Variants in PITPNC1 observed in about 807,000 individuals in gnomAD.
PITPNC1 encodes the protein cytoplasmic phosphatidylinositol transfer protein 1.
A neutral mutation model predicts 44.7 loss-of-function variants in PITPNC1; 18 were observed. The observed-to-expected ratio is 0.40, with a 90% confidence interval of 0.28 to 0.60. The LOEUF is 0.60. Among genes scored for constraint, PITPNC1 ranks in the 20% least tolerant of loss-of-function variants. The pLI, the probability that PITPNC1 is intolerant of heterozygous loss-of-function variation, is 0.39. For synonymous variants in PITPNC1, 141 were observed against 149.6 expected, an observed-to-expected ratio of 0.94 and a Z score of 0.42; for missense variants, 290 against 418.4, an observed-to-expected ratio of 0.69 and a Z score of 2.68.
At chr17:67,509,191 G>A (rs1288828537) in intron 1 of PITPNC1, among the ~76,000 whole-genome samples, 6 of 147,118 alleles carry the variant, frequency 4.1e-5, no homozygotes, top group South Asian at 2.2e-4. Context: ...CCAAGATCAC[G>A]CCACTGCACT....
rs71139168 is a variant in PITPNC1 at position 67,667,490 on chromosome 17, C to CAAAAAAAAAAAA, written c.463-2011_463-2000dup. On this transcript the variant is annotated intron_variant, in intron 6 of 8. Coordinates refer to ENST00000581322, the MANE Select transcript of PITPNC1 (RefSeq NM_012417.4). ...GCCGCAGTGAGCCATGATCCTTTCT[C>CAAAAAAAAAAAA]AAAAAAAAAAAAAAAAAAGTACTGA... Among the ~76,000 whole-genome samples the CAAAAAAAAAAAA allele has an allele frequency of 7.2e-3, 780 of 107,604 alleles. 22 individuals carry two copies. Among genetic ancestry groups the CAAAAAAAAAAAA allele is most frequent in the Non-Finnish European group, 0.011 (620 of 54,038 alleles). 70.6% of individuals were successfully genotyped at this position (107,604 alleles called of 152,430 possible). A position where few individuals can be genotyped will look rare whatever the true frequency, so the allele number is the denominator to read the frequency against.
chr17:67,400,229 G>A (rs1374059695), intron 1 of PITPNC1, among the ~76,000 whole-genome samples: 1 of 152,174 alleles, frequency 6.6e-6, no homozygotes, highest in African/African-American at 2.4e-5. Flanking sequence ...TGCCCAGTGG[G>A]AATGTTGTGT....
intron 1 of PITPNC1, among the ~76,000 whole-genome samples, chr17:67,517,741 G>T (rs1205374852): frequency 2.0e-5 from 3 of 152,182 alleles, no homozygotes; most frequent in African/African-American, 7.2e-5. Context: ...AGTGGTTGCT[G>T]GGACTGGGAG....
chr17:67,587,719 C>G (rs565765936), intron 5 of PITPNC1, among the ~76,000 whole-genome samples: 5 of 152,286 alleles, frequency 3.3e-5, no homozygotes, highest in African/African-American at 9.6e-5. Flanking sequence ...AATCACTGGG[C>G]TGTGCTTGGT....
At chr17:67,668,387 A>G (rs957199832) in intron 6 of PITPNC1, among the ~76,000 whole-genome samples, 3 of 152,108 alleles carry the variant, frequency 2.0e-5, no homozygotes, top group Non-Finnish European at 4.4e-5. Context: ...TTTCTTGCTT[A>G]TGAACATTTG....
rs962929587 is a variant in PITPNC1 at position 67,481,631 on chromosome 17, C to T, written c.49-51171C>T. 4.6e-5 allele frequency among the ~76,000 whole-genome samples: 7 copies of T among 152,024 alleles called. No homozygotes were observed. In the East Asian group the frequency reaches 1.3e-3, roughly 29 times the overall value. On this transcript the variant is annotated intron_variant, in intron 1 of 8. Coordinates refer to ENST00000581322, the MANE Select transcript of PITPNC1 (RefSeq NM_012417.4). The stretch of plus-strand genomic sequence containing the variant: ...GATTACAGGCATGAGCTACCATGCC[C>T]AGCTGCTACTAAATTTATTACCCGT...
chr17:67,589,346 T>G (rs1268895786), intron 5 of PITPNC1, among the ~76,000 whole-genome samples: 1 of 152,238 alleles, frequency 6.6e-6, no homozygotes, highest in Non-Finnish European at 1.5e-5. Context: ...TAATCATTAG[T>G]AGAAGACAGC....
At chr17:67,673,111 C>G (rs1456376860) in intron 7 of PITPNC1, among the ~76,000 whole-genome samples, 4 of 152,260 alleles carry the variant, frequency 2.6e-5, no homozygotes, top group African/African-American at 9.6e-5. Context: ...GTGTTTCCTA[C>G]TTTCAAGTCA....
intron 1 of PITPNC1, among the ~76,000 whole-genome samples, chr17:67,494,966 G>A (rs2039923260): frequency 7.0e-6 from 1 of 143,378 alleles, no homozygotes; most frequent in Admixed American, 7.0e-5. Context: ...GGGAGACCTC[G>A]TCTCAAACTG....
chr17:67,542,418 A>G (rs2040621301), intron 2 of PITPNC1, among the ~76,000 whole-genome samples: 1 of 152,222 alleles, frequency 6.6e-6, no homozygotes, highest in African/African-American at 2.4e-5. Flanking sequence ...CAAGTCCTCC[A>G]TGCATAAGTC....
chr17:67,516,595 T>G (rs1188241651), intron 1 of PITPNC1, among the ~76,000 whole-genome samples: 1 of 152,116 alleles, frequency 6.6e-6, no homozygotes, highest in Non-Finnish European at 1.5e-5. Context: ...AGAGCTTGCT[T>G]GCAGGCAGTG....
intron 6 of PITPNC1, among the ~76,000 whole-genome samples, chr17:67,647,461 TGGG>T (rs1359699379): frequency 3.1e-4 from 33 of 106,612 alleles, no homozygotes; most frequent in African/African-American, 1.3e-3. Flanking sequence ...CAGCTAATTT[TGGG>T]TTTTTTTTTT....
At chr17:67,473,409 A>G (rs560858840) in intron 1 of PITPNC1, among the ~76,000 whole-genome samples, 1 of 151,510 alleles carries the variant, frequency 6.6e-6, no homozygotes, top group African/African-American at 2.4e-5. Flanking sequence ...GCTCACTGCA[A>G]GCTCCACCTC....
intron 1 of PITPNC1, among the ~76,000 whole-genome samples, chr17:67,446,153 G>A (rs1041150105): frequency 4.0e-5 from 6 of 151,756 alleles, no homozygotes; most frequent in Admixed American, 6.6e-5. Flanking sequence ...CACCATGTTG[G>A]CCAGGATGGT....
intron 1 of PITPNC1, among the ~76,000 whole-genome samples, chr17:67,443,573 AC>A (rs1310324516): frequency 6.6e-6 from 1 of 151,476 alleles, no homozygotes; most frequent in Non-Finnish European, 1.5e-5. Context: ...AGGAACAGCA[AC>A]CATAAAAAAT....
chr17:67,441,640 C>T (rs1218741186), intron 1 of PITPNC1, among the ~76,000 whole-genome samples: 1 of 152,106 alleles, frequency 6.6e-6, no homozygotes, highest in African/African-American at 2.4e-5. Context: ...AAAGCCAAGC[C>T]CCGACGTCAA....
chr17:67,432,448 G>C (rs1279355590), intron 1 of PITPNC1, among the ~76,000 whole-genome samples: 1 of 152,102 alleles, frequency 6.6e-6, no homozygotes, highest in Non-Finnish European at 1.5e-5. Flanking sequence ...AGCTTGCAGT[G>C]AGCCGAGATT....
At chr17:67,588,805 C>A (rs1451334727) in intron 5 of PITPNC1, among the ~76,000 whole-genome samples, 1 of 152,216 alleles carries the variant, frequency 6.6e-6, no homozygotes, top group East Asian at 1.9e-4. Flanking sequence ...GTGGGAACTG[C>A]AGAATCCATA....
intron 1 of PITPNC1, among the ~76,000 whole-genome samples, chr17:67,405,640 C>G (rs1254781873): frequency 6.7e-6 from 1 of 149,698 alleles, no homozygotes; most frequent in Non-Finnish European, 1.5e-5. Flanking sequence ...GGGTCTCGCT[C>G]TGTCGCCCAG....
Sources: gnomAD v4.1 joint callset for allele counts (sites outside exome capture counted in the v4.1 genomes callset) on GRCh38, gnomAD v4.1.1 for gene constraint, MANE v1.5 for transcripts, NCBI Gene and HGNC (gene_info 2026-07-23, HGNC 2026-07-21) for gene names.